The following DMD variants were observed in gnomAD, a reference collection of about 807,000 sequenced individuals.
The protein encoded by DMD is mutant dystrophin.
In DMD, 63 loss-of-function variants were observed where a neutral mutation model predicts 330.1. The observed-to-expected ratio is 0.19, with a 90% confidence interval of 0.16 to 0.24. The LOEUF is 0.24. DMD is among the 10% of genes least tolerant of loss of function. DMD has a pLI of 1.00. For missense variants in DMD, 3,344 were observed against 2,684.1 expected, an observed-to-expected ratio of 1.25 and a Z score of -5.43; for synonymous variants, 1,223 against 959.8, an observed-to-expected ratio of 1.27 and a Z score of -5.07.
intron 63 of DMD, among the ~76,000 whole-genome samples, chrX:31,251,067 C>T (rs1167097939): frequency 9.2e-6 from 1 of 108,265 alleles, no homozygotes; most frequent in African/African-American, 3.4e-5. Context: ...GGCAACAGAG[C>T]AAGACTCTGT....
At chrX:33,016,867 C>T (rs1022920162) in intron 2 of DMD, among the ~76,000 whole-genome samples, 4 of 111,564 alleles carry the variant, frequency 3.6e-5, no homozygotes, top group Non-Finnish European at 7.5e-5. Flanking sequence ...ATTAAGCCGG[C>T]ATGGATGAGC....
At chrX:33,153,377 C>T (rs1265071012) in intron 1 of DMD, among the ~76,000 whole-genome samples, 5 of 112,840 alleles carry the variant, frequency 4.4e-5, no homozygotes, top group Non-Finnish European at 5.6e-5. Flanking sequence ...TGCCATTGCA[C>T]TCCAGCCTGG....
rs184244629 is a variant in DMD at position 32,877,726 on chromosome X, C to T, written c.94-27906G>A. On this transcript the variant is annotated intron_variant, in intron 2 of 78. Coordinates refer to ENST00000357033, the MANE Select transcript of DMD (RefSeq NM_004006.3). Reference sequence around the variant, plus strand: ...AACAAAAACAGAGATCCGGAAGTGCCTTGGTGTTTATGTCACCTTAGGGTA... The same window carrying T: ...AACAAAAACAGAGATCCGGAAGTGCTTTGGTGTTTATGTCACCTTAGGGTA... Among the ~76,000 whole-genome samples, 3 of 111,884 alleles carry T rather than the reference C, an allele frequency of 2.7e-5. No individual in the cohort carries two copies. The Admixed American group carries it at 2.9e-4, about 11-fold the overall frequency.
At chrX:32,651,456 T>C (rs1602535986) in intron 9 of DMD, among the ~76,000 whole-genome samples, 1 of 112,365 alleles carries the variant, frequency 8.9e-6, no homozygotes. Context: ...ACGTAACTTC[T>C]TAAAAATAAG....
chrX:32,385,669 G>A (rs2097953173), intron 33 of DMD, among the ~76,000 whole-genome samples: 2 of 110,450 alleles, frequency 1.8e-5, no homozygotes, highest in Admixed American at 9.7e-5. Context: ...GAGAGATATA[G>A]GCATCTTGAA....
At chrX:31,870,905 C>T (rs1001264284) in intron 48 of DMD, among the ~76,000 whole-genome samples, 3 of 111,270 alleles carry the variant, frequency 2.7e-5, no homozygotes, top group East Asian at 2.8e-4. Context: ...TTATGTGTCC[C>T]GCCACACCTC....
intron 7 of DMD, among the ~76,000 whole-genome samples, chrX:32,745,349 T>C (rs1326237751): frequency 1.8e-5 from 2 of 112,405 alleles, no homozygotes; most frequent in Non-Finnish European, 3.8e-5. Context: ...TCTTGTTCTG[T>C]ATCAACACAG....
chrX:31,381,338 T>C (rs1292543034), intron 60 of DMD, among the ~76,000 whole-genome samples: 5 of 111,956 alleles, frequency 4.5e-5, no homozygotes, highest in Non-Finnish European at 7.5e-5. Context: ...CTGTTTTGCC[T>C]AGCCCTCATG....
At chrX:31,980,129 T>C (rs1332583060) in intron 44 of DMD, among the ~76,000 whole-genome samples, 1 of 112,009 alleles carries the variant, frequency 8.9e-6, no homozygotes, top group Non-Finnish European at 1.9e-5. Context: ...TAGAAAACTG[T>C]TTAGGTGCTG....
intron 62 of DMD, among the ~76,000 whole-genome samples, chrX:31,266,332 G>C (rs762732435): frequency 1.8e-5 from 2 of 111,180 alleles, no homozygotes; most frequent in Non-Finnish European, 3.8e-5. Context: ...TGGAATCCTC[G>C]GAAGAAATCA....
At chrX:31,474,171 G>T (rs1169174297) in intron 59 of DMD, among the ~76,000 whole-genome samples, 1 of 111,711 alleles carries the variant, frequency 9.0e-6, no homozygotes, top group Non-Finnish European at 1.9e-5. Flanking sequence ...ACCCGCAGAT[G>T]ATCAGCTAGC....
chrX:32,768,565 A>G (rs1251301952), intron 7 of DMD, among the ~76,000 whole-genome samples: 1 of 112,141 alleles, frequency 8.9e-6, no homozygotes, highest in Non-Finnish European at 1.9e-5. Context: ...TTAAATCAAC[A>G]AAATTCAATG....
At chrX:33,054,705 G>A (rs748807178) in intron 1 of DMD, among the ~76,000 whole-genome samples, 20 of 111,910 alleles carry the variant, frequency 1.8e-4, no homozygotes, top group Non-Finnish European at 3.2e-4. Flanking sequence ...CACAGGGGTG[G>A]GGGAAATTGA....
chrX:32,085,322 T>C (rs2096423395), intron 44 of DMD, among the ~76,000 whole-genome samples: 1 of 109,745 alleles, frequency 9.1e-6, no homozygotes, highest in Non-Finnish European at 1.9e-5. Flanking sequence ...ATGTAAGGGG[T>C]ACAAGTGCAA....
intron 48 of DMD, among the ~76,000 whole-genome samples, chrX:31,853,622 G>T (rs943491343): frequency 1.5e-4 from 17 of 111,389 alleles, no homozygotes; most frequent in African/African-American, 5.5e-4. Context: ...ATGAGAATTT[G>T]TACTTTGATC....
intron 55 of DMD, among the ~76,000 whole-genome samples, chrX:31,626,369 G>A (rs1023874999): frequency 4.5e-5 from 5 of 111,627 alleles, no homozygotes; most frequent in Admixed American, 9.6e-5. Flanking sequence ...TTATGAAATA[G>A]CCTAAGCCAA....
intron 44 of DMD, among the ~76,000 whole-genome samples, chrX:32,157,001 A>G (rs750475043): frequency 9.8e-5 from 11 of 112,137 alleles, no homozygotes; most frequent in African/African-American, 1.6e-4. Flanking sequence ...CAGCTGAGGA[A>G]CACACCTAAT....
At chrX:33,312,193 G>A (rs1014222940) in intron 1 of DMD, among the ~76,000 whole-genome samples, 8 of 110,748 alleles carry the variant, frequency 7.2e-5, no homozygotes, top group African/African-American at 2.3e-4. Flanking sequence ...GAGAAAACAC[G>A]GGTTTGAACT....
chrX:31,282,687 G>C (rs1355408549), intron 62 of DMD, among the ~76,000 whole-genome samples: 1 of 111,559 alleles, frequency 9.0e-6, no homozygotes, highest in Non-Finnish European at 1.9e-5. Flanking sequence ...ACAATCAAAG[G>C]AATTTTGTGT....
Sources: allele counts gnomAD v4.1 joint callset (sites outside exome capture counted in the v4.1 genomes callset), GRCh38; gene constraint gnomAD v4.1.1; transcripts MANE v1.5; gene names NCBI Gene and HGNC (gene_info 2026-07-23, HGNC 2026-07-21).